ST8SIA1: variants seen among roughly 807,000 people sequenced by gnomAD.
ST8SIA1 encodes ST8 alpha-N-acetyl-neuraminide alpha-2,8-sialyltransferase 1, also known as alpha-N-acetylneuraminide alpha-2,8-sialyltransferase.
In ST8SIA1, 16 loss-of-function variants were observed where a neutral mutation model predicts 35.9. That is an observed-to-expected ratio of 0.45 (90% confidence interval 0.30 to 0.68). The LOEUF (loss-of-function observed/expected upper bound fraction) is 0.68. Ranked by LOEUF, ST8SIA1 falls within the 30% of genes least tolerant of loss-of-function variation. The pLI is 0.09. For missense variants in ST8SIA1, 383 were observed against 453.6 expected (o/e 0.84, Z 1.41); for synonymous variants, 170 against 169.6 (o/e 1.00, Z -0.02).
Position 22,195,432 on chromosome 12 carries a change from T to TTGTTG in ST8SIA1, c.*6115_*6119dup, listed in dbSNP as rs1193822418. 6.6e-6 allele frequency: 1 copy of TTGTTG among 152,166 alleles called. No homozygotes were observed. The highest frequency in any genetic ancestry group is 2.4e-5 in the African/African-American group (1 of 41,256). The allele number at this position is 152,166 out of a possible 1,614,324, so 9.4% of individuals were successfully genotyped here. Reference sequence around the variant, plus strand: ...ATCTTTTCTCTCTTTTTTTTTCTGTTTGTTGTTTTGTTTTGTTTTGTTTTG... The same window carrying TTGTTG: ...ATCTTTTCTCTCTTTTTTTTTCTGTTTGTTGTGTTGTTTTGTTTTGTTTTGTTTTG... On this transcript the variant is annotated 3_prime_UTR_variant, in exon 5 of 5. Coordinates refer to ENST00000396037, the MANE Select transcript of ST8SIA1 (RefSeq NM_003034.4).
chr12:22,236,331 T>A (rs1020443120), intron 4 of ST8SIA1, among the ~76,000 whole-genome samples: 1 of 152,224 alleles, frequency 6.6e-6, no homozygotes, highest in Non-Finnish European at 1.5e-5. Flanking sequence ...TGGTGCTGAC[T>A]TAAATGTTTT....
At chr12:22,214,910 A>G (rs1356727989) in intron 4 of ST8SIA1, among the ~76,000 whole-genome samples, 1 of 152,194 alleles carries the variant, frequency 6.6e-6, no homozygotes, top group Admixed American at 6.6e-5. Flanking sequence ...GCAAAATTTC[A>G]TAGCAAGAAT....
intron 1 of ST8SIA1, among the ~76,000 whole-genome samples, chr12:22,302,019 C>T (rs915514551): frequency 1.3e-5 from 2 of 151,944 alleles, no homozygotes; most frequent in African/African-American, 4.8e-5. Context: ...ATAATCTGGG[C>T]AATATAATAA....
At chr12:22,296,068 T>C (rs1866239376) in intron 1 of ST8SIA1, among the ~76,000 whole-genome samples, 1 of 152,184 alleles carries the variant, frequency 6.6e-6, no homozygotes, top group Admixed American at 6.5e-5. Flanking sequence ...GGGGGCATAA[T>C]CTGCTGTCCT....
chr12:22,309,715 T>A (rs1441289509), intron 1 of ST8SIA1, among the ~76,000 whole-genome samples: 1 of 152,160 alleles, frequency 6.6e-6, no homozygotes, highest in Non-Finnish European at 1.5e-5. Flanking sequence ...CAACACTTTA[T>A]GAGAAATAAA....
At chr12:22,320,981 AAG>A (rs1308689903) in intron 1 of ST8SIA1, among the ~76,000 whole-genome samples, 7 of 119,370 alleles carry the variant, frequency 5.9e-5, no homozygotes, top group Non-Finnish European at 8.6e-5. Context: ...GAAAGAAAGA[AAG>A]AAAGAAAGAA....
rs1302866590 is a variant in ST8SIA1, at chr12:22,194,305, A to G, written c.*7247T>C. 1 of 152,208 alleles carries G rather than the reference A, an allele frequency of 6.6e-6. No individual in the cohort carries two copies. Among genetic ancestry groups the G allele is most frequent in the African/African-American group, 2.4e-5 (1 of 41,462 alleles). The allele number at this position is 152,208 out of a possible 1,614,324, so 9.4% of individuals were successfully genotyped here. ...AACAAACATTAATCCTCTTGCAGTT[A>G]TCACCTATGGAGCTTCCTACTAGAA... On this transcript the variant is annotated 3_prime_UTR_variant, in exon 5 of 5. Coordinates refer to ENST00000396037, the MANE Select transcript of ST8SIA1 (RefSeq NM_003034.4).
intron 2 of ST8SIA1, chr12:22,268,371 T>C (rs1865871289): frequency 2.0e-5 from 3 of 151,748 alleles, no homozygotes; most frequent in Admixed American, 2.0e-4. Context: ...CATAAACGAG[T>C]GGAAGGAAGG....
intron 2 of ST8SIA1, among the ~76,000 whole-genome samples, chr12:22,275,183 C>T (rs1865954734): frequency 6.6e-6 from 1 of 152,108 alleles, no homozygotes; most frequent in African/African-American, 2.4e-5. Context: ...GAAGGAACAA[C>T]ATGTACAAAT....
Position 22,276,854 on chromosome 12 carries a change from G to GA in ST8SIA1, c.381+10294dup, listed in dbSNP as rs59035534. On this transcript the variant is annotated intron_variant, in intron 2 of 4. Transcript: ENST00000396037. ...ACACATGACAAAATAAAATAAAATGGAAAAAAAAAAGGCCACCGTTTCTGG... is the reference window on the plus strand; with the variant it reads ...ACACATGACAAAATAAAATAAAATGGAAAAAAAAAAAGGCCACCGTTTCTGG... 4.3e-3 allele frequency among the ~76,000 whole-genome samples: 625 copies of GA among 146,828 alleles called. 4 individuals carry two copies. Among genetic ancestry groups the GA allele is most frequent in the African/African-American group, 0.014 (580 of 40,110 alleles).
intron 4 of ST8SIA1, among the ~76,000 whole-genome samples, chr12:22,214,925 T>C (rs1865219033): frequency 6.6e-6 from 1 of 152,202 alleles, no homozygotes; most frequent in Admixed American, 6.6e-5. Context: ...AAGAATGTAG[T>C]AGACTCTGGC....
At chr12:22,314,791 G>A (rs1373610741) in intron 1 of ST8SIA1, among the ~76,000 whole-genome samples, 13 of 152,008 alleles carry the variant, frequency 8.6e-5, no homozygotes, top group Admixed American at 5.2e-4. Flanking sequence ...GGCTCCAGGC[G>A]TACTTCTCCC....
At position 22,298,794 on chromosome 12, in the gene ST8SIA1, G is replaced by A. The variant is rs143844153; in HGVS notation, c.237-11501C>T. Reference sequence around the variant, plus strand: ...ACTTGTTGCTGTGTTCACTGCATTTGTACTTAATATTGTTTTGTGAATATC... The same window carrying A: ...ACTTGTTGCTGTGTTCACTGCATTTATACTTAATATTGTTTTGTGAATATC... On this transcript the variant is annotated intron_variant, in intron 1 of 4. Coordinates refer to ENST00000396037, the MANE Select transcript of ST8SIA1 (RefSeq NM_003034.4). Among the ~76,000 whole-genome samples the A allele has an allele frequency of 2.3e-3, 349 of 152,290 alleles. 2 individuals carry two copies. Among genetic ancestry groups the A allele is most frequent in the African/African-American group, 8.2e-3 (342 of 41,566 alleles).
intron 4 of ST8SIA1, chr12:22,223,775 T>G (rs1865327436): frequency 7.9e-7 from 1 of 1,258,110 alleles, no homozygotes; most frequent in African/African-American, 1.6e-5. Context: ...GTAAAATCCC[T>G]TTAAATAAAC....
At chr12:22,313,124 G>T (rs1215042285) in intron 1 of ST8SIA1, among the ~76,000 whole-genome samples, 2 of 152,138 alleles carry the variant, frequency 1.3e-5, no homozygotes, top group Admixed American at 1.3e-4. Context: ...GAGACCTTGA[G>T]TATGTTCCAT....
In ST8SIA1 at chr12:22,248,821, T is replaced by C. The variant is rs965054165; in HGVS notation, c.584+185A>G. On this transcript the variant is annotated intron_variant, in intron 4 of 4. Transcript: ENST00000396037. ...AAGAAACAGAATCCCAGAGGAAGCA[T>C]AAAATATTGTTTGGATTCCCATAAT... 5.7e-6 allele frequency: 3 copies of C among 524,764 alleles called. No homozygotes were observed. In the African/African-American group the frequency reaches 5.8e-5, roughly 10 times the overall value. The allele number at this position is 524,764 out of a possible 1,614,324, so 32.5% of individuals were successfully genotyped here. A position where few individuals can be genotyped will look rare whatever the true frequency, so the allele number is the denominator to read the frequency against.
intron 4 of ST8SIA1, among the ~76,000 whole-genome samples, chr12:22,236,419 A>G (rs1188170812): frequency 6.6e-6 from 1 of 152,246 alleles, no homozygotes; most frequent in Non-Finnish European, 1.5e-5. Flanking sequence ...TAGCTGACAG[A>G]AACCCCTCCG....
chr12:22,255,258 C>CGCTGTG (rs1565579078), intron 3 of ST8SIA1, 22 bp downstream of exon 3: 3 of 1,599,750 alleles, frequency 1.9e-6, no homozygotes, highest in Non-Finnish European at 2.6e-6. Flanking sequence ...GCAGAGGCCG[C>CGCTGTG]GCTGTGGGTG....
At chr12:22,275,596 C>G (rs1406697569) in intron 2 of ST8SIA1, among the ~76,000 whole-genome samples, 1 of 152,058 alleles carries the variant, frequency 6.6e-6, no homozygotes, top group Non-Finnish European at 1.5e-5. Flanking sequence ...AGATGGATGG[C>G]AATTGGTAAG....
Sources: allele counts gnomAD v4.1 joint callset (sites outside exome capture counted in the v4.1 genomes callset), GRCh38; gene constraint gnomAD v4.1.1; transcripts MANE v1.5; gene names NCBI Gene and HGNC (gene_info 2026-07-23, HGNC 2026-07-21).